RIN3: variants seen among roughly 807,000 people sequenced by gnomAD.
RIN3 encodes the protein Ras and Rab interactor 3, also known as RAB5 interacting protein 3.
Under a neutral mutation model 76.3 loss-of-function variants are expected in RIN3, and 54 were observed. The observed-to-expected ratio is 0.71, with a 90% confidence interval of 0.57 to 0.89. The LOEUF (loss-of-function observed/expected upper bound fraction) is 0.89, where lower values mean the gene tolerates loss of function less well. Ranked by LOEUF, RIN3 falls within the 40% of genes least tolerant of loss-of-function variation. The pLI is 0.00. For synonymous variants in RIN3, 576 were observed against 564.0 expected (o/e 1.02, Z -0.30); for missense variants, 1,256 against 1,322.1 (o/e 0.95, Z 0.78).
intron 3 of RIN3, among the ~76,000 whole-genome samples, chr14:92,586,282 G>T (rs1296756236): frequency 6.6e-6 from 1 of 152,224 alleles, no homozygotes; most frequent in Non-Finnish European, 1.5e-5. Flanking sequence ...TAGCTATGGA[G>T]TTTGAGCAGC....
chr14:92,533,238 G>C (rs1896924046), intron 1 of RIN3, among the ~76,000 whole-genome samples: 1 of 152,186 alleles, frequency 6.6e-6, no homozygotes, highest in South Asian at 2.1e-4. Flanking sequence ...GTCACATGTA[G>C]CTATTTTACA....
At chr14:92,551,290 C>T (rs1464656185) in intron 1 of RIN3, among the ~76,000 whole-genome samples, 1 of 152,152 alleles carries the variant, frequency 6.6e-6, no homozygotes, top group East Asian at 1.9e-4. Flanking sequence ...GTGGTTAATT[C>T]CTTTTTATTG....
chr14:92,526,999 T>G (rs1896750840), intron 1 of RIN3, among the ~76,000 whole-genome samples: 1 of 151,726 alleles, frequency 6.6e-6, no homozygotes, highest in Non-Finnish European at 1.5e-5. Flanking sequence ...CGGACTCCAT[T>G]GTCACTTGGC....
chr14:92,640,247 T>C (rs1309063707), intron 4 of RIN3, among the ~76,000 whole-genome samples: 1 of 128,618 alleles, frequency 7.8e-6, no homozygotes, highest in African/African-American at 3.0e-5. Context: ...TGACTGTGTG[T>C]TCGTCGGGGG....
At chr14:92,649,429 C>CT (rs2140139046) in intron 5 of RIN3, among the ~76,000 whole-genome samples, 1 of 152,156 alleles carries the variant, frequency 6.6e-6, no homozygotes, top group South Asian at 2.1e-4. Flanking sequence ...GCTTCAAACA[C>CT]TCACTCCAGG....
chr14:92,548,901 A>T (rs1897346966), intron 1 of RIN3, among the ~76,000 whole-genome samples: 2 of 152,084 alleles, frequency 1.3e-5, no homozygotes, highest in African/African-American at 4.8e-5. Context: ...AGGTATGAGG[A>T]TGACTGAATT....
At chr14:92,665,630 C>T (rs894342886) in intron 7 of RIN3, among the ~76,000 whole-genome samples, 1 of 152,220 alleles carries the variant, frequency 6.6e-6, no homozygotes, top group East Asian at 1.9e-4. Context: ...ATCCACCCAC[C>T]TCGGCCTCTC....
intron 1 of RIN3, among the ~76,000 whole-genome samples, chr14:92,528,206 G>A (rs11849226): frequency 7.4e-4 from 113 of 152,330 alleles, no homozygotes; most frequent in African/African-American, 2.2e-3. Context: ...AGATGGGTGT[G>A]CCCCGTGGGG....
At chr14:92,614,909 T>C (rs1248457911) in intron 3 of RIN3, among the ~76,000 whole-genome samples, 2 of 148,792 alleles carry the variant, frequency 1.3e-5, no homozygotes, top group African/African-American at 5.0e-5. Context: ...TGTGGTGCAG[T>C]CTCGGCTCTC....
In RIN3 at chr14:92,577,475, C is replaced by A; in HGVS notation, c.365C>A (p.Ser122Ter). The A allele has an allele frequency of 6.3e-7, 1 of 1,595,316 alleles. No homozygotes were observed. Among genetic ancestry groups the A allele is most frequent in the South Asian group, 1.1e-5 (1 of 90,512 alleles). The change falls in exon 3 of 10, where the codon TCG (serine) becomes TAG (stop). Residue 122 changes from serine to a stop codon, truncating the protein, a stop_gained and splice_region_variant. Transcript: ENST00000216487. LOFTEE classifies it high-confidence loss of function. ...VLEYTIKEEK[S>*]ILYLEGSALV... is the part of the protein sequence containing the mutation. ...GAATACACCATTAAGGAAGAAAAGT[C>A]GAGTAAGTACCCATCTTCTCTGTTT...
chr14:92,582,445 T>A (rs1472420385), intron 3 of RIN3, among the ~76,000 whole-genome samples: 1 of 134,382 alleles, frequency 7.4e-6, no homozygotes, highest in Non-Finnish European at 1.6e-5. Flanking sequence ...TTTTTTACTT[T>A]TTTTTTTTTT....
Position 92,688,047 on chromosome 14 carries a change from C to T in RIN3, c.2753C>T (p.Pro918Leu), listed in dbSNP as rs753029063. 1.1e-5 allele frequency: 17 copies of T among 1,599,600 alleles called. No individual in the cohort carries two copies. Among genetic ancestry groups the T allele is most frequent in the Admixed American group, 8.5e-5 (5 of 58,502 alleles). The stretch of plus-strand genomic sequence containing the variant: ...GCGGAGAAGTTCGCGGTGGAGCGGC[C>T]GCAGGCGCACCGGCTGTTCGTGCTG... ...QCAEKFAVER[P>L]QAHRLFVLVD... is the part of the protein sequence containing the mutation. The change falls in exon 10 of 10, where the codon CCG (proline) becomes CTG (leucine). Residue 918 changes from proline (P) to leucine (L), a missense_variant. Pro to Leu is a moderately conservative substitution (Grantham distance 98). Around this residue, in one of 3 missense-constraint regions of RIN3, gnomAD observed 218 missense variants for 174.5 expected, o/e 1.25. Coordinates refer to ENST00000216487, the MANE Select transcript of RIN3 (RefSeq NM_024832.5).
intron 5 of RIN3, among the ~76,000 whole-genome samples, chr14:92,641,643 G>A (rs1041137609): frequency 3.9e-5 from 6 of 152,172 alleles, no homozygotes; most frequent in African/African-American, 1.4e-4. Flanking sequence ...CCTTCTGAGT[G>A]GGAGCCAGAG....
At chr14:92,637,339 A>G (rs1201612455) in intron 4 of RIN3, among the ~76,000 whole-genome samples, 1 of 152,102 alleles carries the variant, frequency 6.6e-6, no homozygotes, top group East Asian at 1.9e-4. Flanking sequence ...AGCAGGGTTC[A>G]TGCTTCTATG....
intron 6 of RIN3, among the ~76,000 whole-genome samples, chr14:92,658,544 T>A (rs1188203571): frequency 6.6e-6 from 1 of 152,110 alleles, no homozygotes. Flanking sequence ...AAAGATGTCA[T>A]AACAGGACAA....
At chr14:92,651,438 GAA>G in intron 5 of RIN3, 142 bp from the exon 6 acceptor site, 1 of 517,432 alleles carries the variant, frequency 1.9e-6, no homozygotes, top group Non-Finnish European at 3.2e-6. Context: ...TCCAAGAGGG[GAA>G]AACAACCTCA....
chr14:92,571,195 C>A (rs1338704498), intron 2 of RIN3, among the ~76,000 whole-genome samples: 1 of 152,238 alleles, frequency 6.6e-6, no homozygotes, highest in Non-Finnish European at 1.5e-5. Context: ...CATAAATCTT[C>A]CACTACATGG....
chr14:92,520,659 T>C (rs1418751494), intron 1 of RIN3, among the ~76,000 whole-genome samples: 1 of 152,164 alleles, frequency 6.6e-6, no homozygotes, highest in Non-Finnish European at 1.5e-5. Context: ...CTTCCCCTCC[T>C]CCAAAGTTTC....
rs1888966046 is a variant in RIN3, at chr14:92,688,481, A to G, written c.*229A>G. ...ACACCGAGACGGCATGTTCTTCATT[A>G]GACGGAAAGGGAAACTGAGGCTCAG... On this transcript the variant is annotated 3_prime_UTR_variant, in exon 10 of 10. Coordinates refer to ENST00000216487, the MANE Select transcript of RIN3 (RefSeq NM_024832.5). 1 of 557,664 alleles carries G rather than the reference A, an allele frequency of 1.8e-6. No individual in the cohort carries two copies. Among genetic ancestry groups the G allele is most frequent in the East Asian group, 3.0e-5 (1 of 32,814 alleles). The allele number at this position is 557,664 out of a possible 1,614,324, so 34.5% of individuals were successfully genotyped here.
Sources: allele counts gnomAD v4.1 joint callset (sites outside exome capture counted in the v4.1 genomes callset), GRCh38; gene constraint gnomAD v4.1.1; regional missense constraint gnomAD v4.1.1; transcripts MANE v1.5; gene names NCBI Gene and HGNC (gene_info 2026-07-23, HGNC 2026-07-21).